The following DLGAP2 variants were observed in gnomAD, a reference collection of about 807,000 sequenced individuals.
DLGAP2 encodes disks large-associated protein 2.
In DLGAP2, 26 loss-of-function variants were observed where a neutral mutation model predicts 100.3. The observed-to-expected ratio is 0.26, with a 90% CI of 0.19 to 0.36. The LOEUF (loss-of-function observed/expected upper bound fraction) is 0.36, where lower values mean the gene tolerates loss of function less well. DLGAP2 is among the 10% of genes least tolerant of loss of function. DLGAP2 has a pLI of 1.00. For missense variants in DLGAP2, 1,858 were observed against 1,453.2 expected (o/e 1.28, Z -4.53); for synonymous variants, 886 against 630.1 (o/e 1.41, Z -6.08).
intron 1 of DLGAP2, among the ~76,000 whole-genome samples, chr8:823,647 G>T (rs1277150509): frequency 6.6e-6 from 1 of 152,140 alleles, no homozygotes; most frequent in African/African-American, 2.4e-5. Context: ...GGATGTGTGG[G>T]TGTCAGGATA....
intron 3 of DLGAP2, among the ~76,000 whole-genome samples, chr8:1,496,982 T>C (rs1050309963): frequency 7.9e-5 from 12 of 151,944 alleles, no homozygotes; most frequent in African/African-American, 2.9e-4. Context: ...CAGTCACACG[T>C]TATGGAATAT....
chr8:1,487,903 C>T (rs1005838892), intron 3 of DLGAP2, among the ~76,000 whole-genome samples: 1 of 152,222 alleles, frequency 6.6e-6, no homozygotes, highest in African/African-American at 2.4e-5. Context: ...GTTGCTGGAG[C>T]TGCTCTGCCA....
intron 3 of DLGAP2, among the ~76,000 whole-genome samples, chr8:1,273,382 C>G (rs1228100990): frequency 1.3e-5 from 2 of 152,308 alleles, no homozygotes; most frequent in South Asian, 2.1e-4. Flanking sequence ...GCTCACATCC[C>G]TAAATCACCC....
intron 14 of DLGAP2, 129 bp downstream of exon 14, chr8:1,697,428 C>G (rs902095521): frequency 3.7e-6 from 5 of 1,335,604 alleles, no homozygotes; most frequent in African/African-American, 1.5e-5. Flanking sequence ...AAATTTCCCT[C>G]TATGTATGTG....
At chr8:1,595,684 A>C (rs1563245661) in intron 6 of DLGAP2, among the ~76,000 whole-genome samples, 1 of 141,706 alleles carries the variant, frequency 7.1e-6, no homozygotes, top group African/African-American at 2.5e-5. Flanking sequence ...AAAAAAAAAA[A>C]AAAAAAAGAA....
At chr8:909,045 T>G (rs962284610) in intron 2 of DLGAP2, among the ~76,000 whole-genome samples, 15 of 152,360 alleles carry the variant, frequency 9.8e-5, no homozygotes, top group African/African-American at 3.4e-4. Flanking sequence ...AAATACAATC[T>G]TTATTAATTA....
intron 4 of DLGAP2, among the ~76,000 whole-genome samples, chr8:1,514,995 G>GTGGAGGGAGACCGACA (rs1439648461): frequency 2.0e-5 from 3 of 151,586 alleles, no homozygotes; most frequent in Admixed American, 6.6e-5. Flanking sequence ...AGAGACTGAC[G>GTGGAGGGAGACCGACA]TGGAGGGAGA....
At chr8:1,258,104 G>C (rs937958161) in intron 2 of DLGAP2, among the ~76,000 whole-genome samples, 2 of 152,156 alleles carry the variant, frequency 1.3e-5, no homozygotes, top group African/African-American at 4.8e-5. Context: ...AGTCACTCAG[G>C]GACCTACATA....
intron 1 of DLGAP2, among the ~76,000 whole-genome samples, chr8:856,473 C>A (rs1356825810): frequency 1.3e-5 from 2 of 152,168 alleles, no homozygotes; most frequent in African/African-American, 4.8e-5. Flanking sequence ...CAGGCATGAG[C>A]CACGGCACCC....
intron 3 of DLGAP2, among the ~76,000 whole-genome samples, chr8:1,458,963 C>A (rs1465925693): frequency 6.7e-6 from 1 of 149,400 alleles, no homozygotes; most frequent in East Asian, 1.9e-4. Context: ...GAGTGACAAC[C>A]AGGTGGTTTA....
At chr8:1,582,768 T>A (rs903403714) in intron 6 of DLGAP2, among the ~76,000 whole-genome samples, 4 of 152,156 alleles carry the variant, frequency 2.6e-5, no homozygotes, top group Non-Finnish European at 4.4e-5. Flanking sequence ...TTTTGTATTT[T>A]ATATTTTTAG....
intron 3 of DLGAP2, chr8:1,381,458 G>T (rs996030383): frequency 2.0e-5 from 3 of 152,240 alleles, no homozygotes; most frequent in Admixed American, 1.3e-4. Flanking sequence ...TGCACCTTGT[G>T]CAGTGATGAC....
chr8:1,569,554 G>A (rs931842843), intron 6 of DLGAP2, among the ~76,000 whole-genome samples: 5 of 152,114 alleles, frequency 3.3e-5, no homozygotes, highest in Admixed American at 2.0e-4. Flanking sequence ...TTGCCTATTC[G>A]CATCTTAGTT....
At chr8:1,356,110 A>C (rs1002506587) in intron 3 of DLGAP2, among the ~76,000 whole-genome samples, 10 of 152,162 alleles carry the variant, frequency 6.6e-5, no homozygotes, top group Non-Finnish European at 1.2e-4. Context: ...GGTGGGCCCC[A>C]CTGGGAGTTG....
rs548033455 is a variant in DLGAP2, at chr8:1,558,112, G to C, written c.1231-7571G>C. Among the ~76,000 whole-genome samples, 530 of 152,320 alleles carry C rather than the reference G, an allele frequency of 3.5e-3. 2 individuals are homozygous for C. The highest frequency in any genetic ancestry group is 3.9e-3 in the Non-Finnish European group (266 of 68,024). ...CTCGAGGGGTGAGTGTGGCATCCAC[G>C]CATCCTGGGGGCTCCCATGTGGGTG... is the stretch of plus-strand genomic sequence containing the variant. On this transcript the variant is annotated intron_variant, in intron 5 of 14. Transcript: ENST00000637795.
At chr8:1,471,910 G>C (rs1461459451) in intron 3 of DLGAP2, among the ~76,000 whole-genome samples, 2 of 152,236 alleles carry the variant, frequency 1.3e-5, no homozygotes, top group African/African-American at 4.8e-5. Flanking sequence ...TCCGTAAACG[G>C]TTGTGATTGC....
At chr8:1,188,780 G>C (rs1563241160) in intron 2 of DLGAP2, among the ~76,000 whole-genome samples, 1 of 152,212 alleles carries the variant, frequency 6.6e-6, no homozygotes, top group Non-Finnish European at 1.5e-5. Context: ...GTTACACGCT[G>C]AACAAAAGCT....
intron 2 of DLGAP2, among the ~76,000 whole-genome samples, chr8:1,141,227 A>G (rs1168286681): frequency 6.6e-6 from 1 of 152,206 alleles, no homozygotes; most frequent in Non-Finnish European, 1.5e-5. Flanking sequence ...GGAGTGTTCA[A>G]CTGAGATTAG....
intron 2 of DLGAP2, among the ~76,000 whole-genome samples, chr8:925,441 A>G (rs1407122847): frequency 6.6e-6 from 1 of 152,020 alleles, no homozygotes; most frequent in East Asian, 1.9e-4. Context: ...TCACGGAAGG[A>G]TGGTGTTCTG....
Sources: allele counts gnomAD v4.1 joint callset (sites outside exome capture counted in the v4.1 genomes callset), GRCh38; gene constraint gnomAD v4.1.1; transcripts MANE v1.5; gene names NCBI Gene and HGNC (gene_info 2026-07-23, HGNC 2026-07-21).